The following SUGP2 variants were observed in gnomAD, a reference collection of about 807,000 sequenced individuals.
SUGP2 encodes SURP and G-patch domain containing 2.
In SUGP2, 24 loss-of-function variants were observed where a neutral mutation model predicts 90.5. The observed-to-expected ratio is 0.27, with a 90% CI of 0.19 to 0.37. The LOEUF is 0.37. SUGP2 is among the 10% of genes least tolerant of loss of function. The probability of loss-of-function intolerance (pLI) is 1.00; values close to 1 mark genes in which losing one functional copy is unlikely to be tolerated. For synonymous variants in SUGP2, 473 were observed against 513.4 expected, an observed-to-expected ratio of 0.92 and a Z score of 1.06; for missense variants, 1,233 against 1,363.3, an observed-to-expected ratio of 0.90 and a Z score of 1.51.
At chr19:19,004,032 G>A (rs559274710) in intron 7 of SUGP2, 136 bp downstream of exon 7, 364 of 685,772 alleles carry the variant, frequency 5.3e-4, no homozygotes, top group Middle Eastern at 1.3e-3. Flanking sequence ...TGGGAAACAT[G>A]AGTGTCGGCT....
chr19:19,007,787 T>G, intron 6 of SUGP2, among the ~76,000 whole-genome samples: 1 of 133,094 alleles, frequency 7.5e-6, no homozygotes, highest in East Asian at 2.1e-4. Context: ...GGAGATGAAG[T>G]CTCGCTCTGT....
chr19:19,026,347 T>A, intron 2 of SUGP2, 121 bp from the exon 3 acceptor site: 1 of 954,334 alleles, frequency 1.0e-6, no homozygotes, highest in Non-Finnish European at 1.5e-6. Context: ...TTTATACACC[T>A]CAGTGCTTTT....
At chr19:19,001,578 T>A (rs767112834) in intron 8 of SUGP2, 35 bp downstream of exon 8, 1 of 1,607,478 alleles carries the variant, frequency 6.2e-7, no homozygotes, top group Non-Finnish European at 8.5e-7. Context: ...TAACCAACTA[T>A]ACTTTGAGTG....
Position 19,025,174 on chromosome 19 carries a change from CAG to C in SUGP2, c.1172_1173del (p.Ser391CysfsTer8). ...TTATCAACTCTGGGTGTTTTCAAAG[CAG>C]AGTGCTTTAAAAATTTGATAGTAAA... ...CFFTIKFLKH[S>X]ALKTPRVDNE... is the part of the protein sequence containing the mutation. On this transcript the variant is annotated frameshift_variant, in exon 3 of 11. Transcript: ENST00000452918. LOFTEE classifies it high-confidence loss of function. 1 of 1,612,534 alleles carries C rather than the reference CAG, an allele frequency of 6.2e-7. No individual in the cohort carries two copies. The highest frequency in any genetic ancestry group is 8.5e-7 in the Non-Finnish European group (1 of 1,179,836).
At chr19:19,014,319 G>A (rs971783131) in intron 4 of SUGP2, among the ~76,000 whole-genome samples, 40 of 152,062 alleles carry the variant, frequency 2.6e-4, no homozygotes, top group Admixed American at 2.6e-4. Context: ...TGCACGACAC[G>A]AGGCAGGTCA....
intron 4 of SUGP2, among the ~76,000 whole-genome samples, chr19:19,017,114 G>A (rs2058526899): frequency 6.6e-6 from 1 of 152,188 alleles, no homozygotes; most frequent in Non-Finnish European, 1.5e-5. Flanking sequence ...ACACTCAGGA[G>A]GTCAAGGCTG....
At chr19:19,002,306 G>A (rs911885842) in intron 7 of SUGP2, among the ~76,000 whole-genome samples, 3 of 151,814 alleles carry the variant, frequency 2.0e-5, no homozygotes, top group Admixed American at 2.0e-4. Flanking sequence ...CTTGAACCCG[G>A]GAGGCAGAGG....
chr19:19,029,477 C>T (rs1308460766), intron 2 of SUGP2, among the ~76,000 whole-genome samples: 5 of 148,914 alleles, frequency 3.4e-5, no homozygotes, highest in Non-Finnish European at 5.9e-5. Flanking sequence ...CTCGCTCTGT[C>T]GCCCAGGCTG....
chr19:19,006,999 T>C (rs1399017924), intron 6 of SUGP2, among the ~76,000 whole-genome samples: 1 of 152,236 alleles, frequency 6.6e-6, no homozygotes, highest in Non-Finnish European at 1.5e-5. Context: ...AAGGCATGAC[T>C]GTCCAACAAG....
chr19:19,026,766 G>A (rs568005261), intron 2 of SUGP2, among the ~76,000 whole-genome samples: 40 of 152,144 alleles, frequency 2.6e-4, no homozygotes, highest in Non-Finnish European at 4.7e-4. Flanking sequence ...CCACCGTGAG[G>A]CTAGAGGAAC....
At position 19,004,287 on chromosome 19, in the gene SUGP2, G is replaced by A; in HGVS notation, c.2810C>T (p.Pro937Leu). Residue 937 changes from proline (P) to leucine (L), a missense_variant, in exon 7 of 11, where the codon CCT (proline) becomes CTT (leucine). Around this residue, in one of 8 missense-constraint regions of SUGP2, gnomAD observed 105 missense variants for 155.2 expected, o/e 0.68. Transcript: ENST00000452918. ...ACCTGAGGAGGCCTGTGACAAGGCAGGTGCTCCAGCCAGGTCGTCCTCGGC... is the reference window on the plus strand; with the variant it reads ...ACCTGAGGAGGCCTGTGACAAGGCAAGTGCTCCAGCCAGGTCGTCCTCGGC... ...EAAEDDLAGA[P>L]ALSQASSGTC... is the part of the protein sequence containing the mutation. 1 of 1,613,918 alleles carries A rather than the reference G, an allele frequency of 6.2e-7. No homozygotes were observed. The highest frequency in any genetic ancestry group is 8.5e-7 in the Non-Finnish European group (1 of 1,179,808).
chr19:18,998,418 C>G (rs2057695095), intron 8 of SUGP2, among the ~76,000 whole-genome samples: 1 of 151,720 alleles, frequency 6.6e-6, no homozygotes, highest in South Asian at 2.1e-4. Context: ...TTCCAAAGTC[C>G]CGGGATTACA....
chr19:19,000,931 T>G (rs1420575929), intron 8 of SUGP2, among the ~76,000 whole-genome samples: 1 of 152,034 alleles, frequency 6.6e-6, no homozygotes, highest in Non-Finnish European at 1.5e-5. Context: ...TCTTAAACTC[T>G]TGGACTCAAG....
intron 6 of SUGP2, among the ~76,000 whole-genome samples, chr19:19,005,645 G>C (rs907804081): frequency 2.6e-5 from 4 of 151,948 alleles, no homozygotes; most frequent in African/African-American, 9.7e-5. Flanking sequence ...TTCAAAGAAT[G>C]GTATTGGAAA....
rs2058925942 is a variant in SUGP2 at position 19,026,198 on chromosome 19, T to C, written c.150A>G (p.Arg50=). 1.2e-6 allele frequency: 2 copies of C among 1,605,256 alleles called. No homozygotes were observed. Among genetic ancestry groups the C allele is most frequent in the African/African-American group, 2.7e-5 (2 of 74,536 alleles). Residue 50 remains arginine, a synonymous_variant, in exon 3 of 11, where the codon AGA becomes AGG. Transcript: ENST00000452918. ...TGTGGACGTCATCATACATCTCTGC[T>C]CTGGATCTTGGGACTGCCCTTAAGA... ...QDLLRAVPRS[R]AEMYDDVHSD...
At chr19:19,030,143 T>C (rs563166038) in intron 2 of SUGP2, among the ~76,000 whole-genome samples, 1 of 149,762 alleles carries the variant, frequency 6.7e-6, no homozygotes, top group Non-Finnish European at 1.5e-5. Context: ...CAAGACTCCA[T>C]ATCTATTAAA....
At chr19:19,012,039 T>G (rs1358503308) in intron 4 of SUGP2, among the ~76,000 whole-genome samples, 1 of 152,162 alleles carries the variant, frequency 6.6e-6, no homozygotes, top group African/African-American at 2.4e-5. Flanking sequence ...AGAAGTAAGG[T>G]GGCTGTGTGT....
In SUGP2 at chr19:19,033,481, C is replaced by A. The variant is rs979287007; in HGVS notation, c.-56G>T. 167 of 1,410,276 alleles carry A rather than the reference C, an allele frequency of 1.2e-4. 1 individual carries two copies. In the Middle Eastern group the frequency reaches 1.3e-3, roughly 11 times the overall value. The allele number at this position is 1,410,276 out of a possible 1,614,324, so 87.4% of individuals were successfully genotyped here. On this transcript the variant is annotated 5_prime_UTR_variant, in exon 1 of 11. Transcript: ENST00000452918. The stretch of plus-strand genomic sequence containing the variant: ...GAGCCACCCCCGCCGCCGCCTCAGG[C>A]TCCTCACCCGCCGCCGCCGCCGCGC...
At chr19:19,003,272 A>G in intron 7 of SUGP2, among the ~76,000 whole-genome samples, 1 of 152,260 alleles carries the variant, frequency 6.6e-6, no homozygotes, top group East Asian at 1.9e-4. Context: ...TAGAACACAC[A>G]GGTGACTGTT....
Sources: gnomAD v4.1 joint callset for allele counts (sites outside exome capture counted in the v4.1 genomes callset) on GRCh38, gnomAD v4.1.1 for gene constraint, gnomAD v4.1.1 regional missense constraint, MANE v1.5 for transcripts, NCBI Gene and HGNC (gene_info 2026-07-23, HGNC 2026-07-21) for gene names.